Variants in FSTL3 observed in about 807,000 individuals in gnomAD.
FSTL3 encodes follistatin-related protein 3.
A neutral mutation model predicts 28.1 loss-of-function variants in FSTL3; 21 were observed. The ratio of observed to expected loss-of-function variants is 0.75; its 90% CI spans 0.53 to 1.08. The LOEUF (loss-of-function observed/expected upper bound fraction) is 1.08. Ranked by LOEUF, FSTL3 falls within the 50% of genes least tolerant of loss-of-function variation. The pLI, the probability that FSTL3 is intolerant of heterozygous loss-of-function variation, is 0.00. For missense variants in FSTL3, 400 were observed against 380.9 expected (o/e 1.05, Z -0.42); for synonymous variants, 199 against 164.2 (o/e 1.21, Z -1.62).
rs1419085197 is a variant in FSTL3 at position 680,328 on chromosome 19, G to A, written c.344G>A (p.Gly115Asp). ...GGCAAGGCGTGCCGCATGCTGGGGG[G>A]CCGCCCGCGCTGCGAGTGCGCGCCC... ...GPGKACRMLG[G>D]RPRCECAPDC... Residue 115 changes from glycine (G) to aspartate (D), a missense_variant, in exon 3 of 5, where the codon GGC becomes GAC. Gly to Asp is a moderately conservative substitution (Grantham distance 94). Transcript: ENST00000166139. 7.8e-7 allele frequency: 1 copy of A among 1,280,932 alleles called. No individual in the cohort carries two copies. The highest frequency in any genetic ancestry group is 1.6e-5 in the African/African-American group (1 of 64,126). 79.3% of individuals were successfully genotyped at this position (1,280,932 alleles called of 1,614,324 possible).
At chr19:679,563 C>T (rs1325682598) in intron 2 of FSTL3, among the ~76,000 whole-genome samples, 1 of 152,246 alleles carries the variant, frequency 6.6e-6, no homozygotes, top group Non-Finnish European at 1.5e-5. Flanking sequence ...GCGACCCGGC[C>T]TCAGTTTCCC....
intron 2 of FSTL3, 25 bp downstream of exon 2, chr19:678,002 G>T: frequency 6.2e-7 from 1 of 1,604,800 alleles, no homozygotes. Flanking sequence ...CAGAAGCAGG[G>T]CAGACGTCTC....
chr19:680,594 G>A, intron 3 of FSTL3, 105 bp downstream of exon 3: 1 of 590,280 alleles, frequency 1.7e-6, no homozygotes, highest in Non-Finnish European at 2.4e-6. Context: ...GCCTGGGGCG[G>A]GACCACCCGG....
intron 1 of FSTL3, among the ~76,000 whole-genome samples, chr19:677,399 G>A (rs1183577349): frequency 1.3e-5 from 2 of 152,166 alleles, no homozygotes; most frequent in Admixed American, 6.5e-5. Context: ...CTCGGGTGCT[G>A]TCTAGACAGA....
At position 681,360 on chromosome 19, in the gene FSTL3, G is replaced by A; in HGVS notation, c.533G>A (p.Arg178Gln). 1.3e-6 allele frequency: 2 copies of A among 1,582,646 alleles called. No homozygotes were observed. Among genetic ancestry groups the A allele is most frequent in the Non-Finnish European group, 1.7e-6 (2 of 1,171,696 alleles). Reference sequence around the variant, plus strand: ...TCCTGTGAGCACGTGGTGTGCCCGCGGCCACAGTCGTGCGTCGTGGACCAG... The same window carrying A: ...TCCTGTGAGCACGTGGTGTGCCCGCAGCCACAGTCGTGCGTCGTGGACCAG... ...RKSCEHVVCP[R>Q]PQSCVVDQTG... The change falls in exon 4 of 5, where the codon CGG becomes CAG. Residue 178 changes from arginine (R) to glutamine (Q), a missense_variant. By Grantham distance (43) the Arg-to-Gln change is conservative. Transcript: ENST00000166139.
chr19:676,621 C>CGGCGGG lies in FSTL3; in HGVS notation c.103+100_103+105dup, dbSNP rs555646167. ...GGGACGTCGGGGGGCGCGGCGGCGGCGGCGGGGGCGAGGGCGGTGTCCGGC... is the reference window on the plus strand; with the variant it reads ...GGGACGTCGGGGGGCGCGGCGGCGGCGGCGGGGGCGGGGGCGAGGGCGGTGTCCGGC... On this transcript the variant is annotated intron_variant, in intron 1 of 4. Coordinates refer to ENST00000166139, the MANE Select transcript of FSTL3 (RefSeq NM_005860.3). The CGGCGGG allele has an allele frequency of 9.0e-6, 3 of 333,706 alleles. No homozygotes were observed. The South Asian group carries it at 3.8e-4, about 43-fold the overall frequency. 20.7% of individuals were successfully genotyped at this position (333,706 alleles called of 1,614,324 possible).
In FSTL3 at chr19:681,717, G is replaced by A. The variant is rs1327019795; in HGVS notation, c.*9G>A. 7 of 1,552,326 alleles carry A rather than the reference G, an allele frequency of 4.5e-6. No homozygotes were observed. The African/African-American group carries it at 5.5e-5, about 12-fold the overall frequency. ...AAGAGAACTTCGTGTGAGCCTGCAG[G>A]ACAGGCCTGGGCCTGGTGCCCGAGG... On this transcript the variant is annotated 3_prime_UTR_variant, in exon 5 of 5. Coordinates refer to ENST00000166139, the MANE Select transcript of FSTL3 (RefSeq NM_005860.3).
At chr19:681,620 C>T (rs1244063040) in intron 4 of FSTL3, 30 bp from the exon 5 acceptor site, 1 of 1,590,798 alleles carries the variant, frequency 6.3e-7, no homozygotes, top group Non-Finnish European at 8.6e-7. Flanking sequence ...CCCTGCCCTG[C>T]GCCCTCAATG....
chr19:679,169 G>GGACCCCCAC (rs1476209161), intron 2 of FSTL3, among the ~76,000 whole-genome samples: 1 of 152,114 alleles, frequency 6.6e-6, no homozygotes, highest in Middle Eastern at 3.2e-3. Context: ...AGACGGCCCA[G>GGACCCCCAC]GACCCCCCAC....
intron 4 of FSTL3, 42 bp from the exon 5 acceptor site, chr19:681,608 C>T (rs763425741): frequency 6.3e-7 from 1 of 1,593,326 alleles, no homozygotes. Flanking sequence ...GGCCGGAGAA[C>T]CCCCTGCCCT....
chr19:681,093 A>C (rs966779979), intron 3 of FSTL3, among the ~76,000 whole-genome samples: 1 of 149,228 alleles, frequency 6.7e-6, no homozygotes, highest in African/African-American at 2.5e-5. Context: ...TTTGGGTAGC[A>C]TAAGGGGCAG....
intron 1 of FSTL3, among the ~76,000 whole-genome samples, chr19:676,925 G>A (rs967828324): frequency 5.3e-5 from 8 of 152,112 alleles, no homozygotes; most frequent in African/African-American, 9.7e-5. Context: ...GCTGGGTGTC[G>A]GGAGCCAGGC....
At chr19:678,545 C>T (rs1018290214) in intron 2 of FSTL3, among the ~76,000 whole-genome samples, 2 of 125,442 alleles carry the variant, frequency 1.6e-5, no homozygotes, top group Admixed American at 9.5e-5. Flanking sequence ...GAGCCTCGCT[C>T]TGTCACCCAG....
intron 3 of FSTL3, 33 bp from the exon 4 acceptor site, chr19:681,300 T>C (rs1299247248): frequency 1.4e-6 from 2 of 1,444,184 alleles, no homozygotes; most frequent in East Asian, 2.5e-5. Context: ...CAGCGAGATG[T>C]CCCCTGAACT....
chr19:682,527 A>T lies in FSTL3; in HGVS notation c.*819A>T, dbSNP rs2031362191. The stretch of plus-strand genomic sequence containing the variant: ...AAGAAGGCTGCCACCATTCCCTGCC[A>T]GCCCAAGAACTCCAGCTTCCCCACT... On this transcript the variant is annotated 3_prime_UTR_variant, in exon 5 of 5. Coordinates refer to ENST00000166139, the MANE Select transcript of FSTL3 (RefSeq NM_005860.3). The T allele has an allele frequency of 8.6e-6, 2 of 233,860 alleles. No homozygotes were observed. The highest frequency in any genetic ancestry group is 1.7e-5 in the Non-Finnish European group (2 of 118,488). 14.5% of individuals were successfully genotyped at this position (233,860 alleles called of 1,614,324 possible). A position where few individuals can be genotyped will look rare whatever the true frequency, so the allele number is the denominator to read the frequency against.
In FSTL3 at chr19:681,538, G is replaced by T. The variant is rs1269794020; in HGVS notation, c.711G>T (p.Val237=). The T allele has an allele frequency of 1.9e-6, 3 of 1,607,534 alleles. No homozygotes were observed. The African/African-American group carries it at 4.0e-5, about 21-fold the overall frequency. Reference sequence around the variant, plus strand: ...GCTTCCTGGGCCGCTCCATCGGCGTGCGCCACGCGGGCAGCTGCGCAGGTG... The same window carrying T: ...GCTTCCTGGGCCGCTCCATCGGCGTTCGCCACGCGGGCAGCTGCGCAGGTG... ...ATCFLGRSIG[V]RHAGSCAGTP... Residue 237 remains valine, a synonymous_variant, in exon 4 of 5, where the codon GTG becomes GTT. Transcript: ENST00000166139.
At chr19:681,259 G>C in intron 3 of FSTL3, 74 bp from the exon 4 acceptor site, 1 of 1,078,640 alleles carries the variant, frequency 9.3e-7, no homozygotes, top group Non-Finnish European at 1.3e-6. Context: ...GTTAAGGGTG[G>C]GTCTTGGGGC....
chr19:681,422 C>T lies in FSTL3; in HGVS notation c.595C>T (p.Pro199Ser). 2 of 1,597,284 alleles carry T rather than the reference C, an allele frequency of 1.3e-6. No individual in the cohort carries two copies. The highest frequency in any genetic ancestry group is 1.1e-5 in the South Asian group (1 of 90,650). ...CCACTGCGTGGTGTGTCGAGCGGCG[C>T]CCTGCCCTGTGCCCTCCAGCCCCGG... ...SAHCVVCRAA[P>S]CPVPSSPGQE... The change falls in exon 4 of 5, where the codon CCC (proline) becomes TCC (serine). Residue 199 changes from proline to serine, a missense_variant. Pro to Ser is a moderately conservative substitution (Grantham distance 74). Transcript: ENST00000166139.
chr19:681,426 G>T lies in FSTL3; in HGVS notation c.599G>T (p.Cys200Phe). 1.3e-6 allele frequency: 2 copies of T among 1,597,824 alleles called. No homozygotes were observed. The highest frequency in any genetic ancestry group is 1.7e-6 in the Non-Finnish European group (2 of 1,179,030). The change falls in exon 4 of 5, where the codon TGC (cysteine) becomes TTC (phenylalanine). Residue 200 changes from cysteine to phenylalanine, a missense_variant. Coordinates refer to ENST00000166139, the MANE Select transcript of FSTL3 (RefSeq NM_005860.3). ...AHCVVCRAAP[C>F]PVPSSPGQEL... Reference sequence around the variant, plus strand: ...TGCGTGGTGTGTCGAGCGGCGCCCTGCCCTGTGCCCTCCAGCCCCGGCCAG... The same window carrying T: ...TGCGTGGTGTGTCGAGCGGCGCCCTTCCCTGTGCCCTCCAGCCCCGGCCAG...
Sources: allele counts gnomAD v4.1 joint callset (sites outside exome capture counted in the v4.1 genomes callset), GRCh38; gene constraint gnomAD v4.1.1; transcripts MANE v1.5; gene names NCBI Gene and HGNC (gene_info 2026-07-23, HGNC 2026-07-21).